The following TMEM43 variants were observed in gnomAD, a reference collection of about 807,000 sequenced individuals.
The protein encoded by TMEM43 is transmembrane protein 43.
In TMEM43, 45 loss-of-function variants were observed where a neutral mutation model predicts 49.6. That is an observed-to-expected ratio of 0.91 (90% CI 0.71 to 1.16). The LOEUF is 1.16. Ranked by LOEUF, TMEM43 falls within the 50% of genes most tolerant of loss-of-function variation. TMEM43 has a pLI of 0.00. For missense variants in TMEM43, 532 were observed against 516.6 expected (o/e 1.03, Z -0.29); for synonymous variants, 199 against 207.8 (o/e 0.96, Z 0.36).
chr3:14,138,300 G>A (rs998356283), intron 10 of TMEM43, among the ~76,000 whole-genome samples: 1 of 152,226 alleles, frequency 6.6e-6, no homozygotes, highest in South Asian at 2.1e-4. Flanking sequence ...ACTGGCAGCA[G>A]GGTCGGTGTC....
intron 1 of TMEM43, chr3:14,128,759 C>T (rs1695050821): frequency 4.1e-6 from 1 of 244,970 alleles, no homozygotes. Context: ...CACGAGCCAG[C>T]AGTTGTACTC....
chr3:14,129,612 G>T, intron 2 of TMEM43, 51 bp downstream of exon 2: 1 of 1,606,446 alleles, frequency 6.2e-7, no homozygotes. Context: ...CACCATGTCA[G>T]AGAGCAAAGG....
In TMEM43 at chr3:14,142,108, T is replaced by A; in HGVS notation, c.*313T>A. ...TGGGTACGGCCAGCCACTCAGCCCA[T>A]TGGCAGCTGACAACGCAGACACGCT... On this transcript the variant is annotated 3_prime_UTR_variant, in exon 12 of 12. Coordinates refer to ENST00000306077, the MANE Select transcript of TMEM43 (RefSeq NM_024334.3). 1.4e-5 allele frequency: 6 copies of A among 422,324 alleles called. No individual in the cohort carries two copies. The highest frequency in any genetic ancestry group is 9.6e-5 in the East Asian group (2 of 20,876). The allele number at this position is 422,324 out of a possible 1,614,324, so 26.2% of individuals were successfully genotyped here.
intron 1 of TMEM43, 152 bp from the exon 2 acceptor site, chr3:14,129,260 A>T: frequency 3.2e-6 from 2 of 631,912 alleles, no homozygotes; most frequent in Non-Finnish European, 5.1e-6. Context: ...AAACCTGCCA[A>T]ACTGTACATT....
At chr3:14,136,827 G>A (rs183997879) in intron 10 of TMEM43, among the ~76,000 whole-genome samples, 1 of 149,010 alleles carries the variant, frequency 6.7e-6, no homozygotes, top group East Asian at 2.1e-4. Context: ...TGCCTACCCC[G>A]GGTCCCAAGG....
rs1331709458 is a variant in TMEM43, at chr3:14,139,310, G to C, written c.1000+13G>C. ...CTCTACACCTTGGGTAGGTGTTGGG[G>C]TGGGTCACTGCCCTCCCTCCTGCAC... On this transcript the variant is annotated intron_variant, in intron 11 of 11. Coordinates refer to ENST00000306077, the MANE Select transcript of TMEM43 (RefSeq NM_024334.3). The C allele has an allele frequency of 3.2e-6, 5 of 1,581,224 alleles. No homozygotes were observed. Among genetic ancestry groups the C allele is most frequent in the Non-Finnish European group, 4.3e-6 (5 of 1,149,904 alleles).
chr3:14,125,255 T>A, intron 1 of TMEM43, 50 bp downstream of exon 1: 2 of 1,577,858 alleles, frequency 1.3e-6, no homozygotes, highest in Non-Finnish European at 1.7e-6. Context: ...CCCGTCGCCC[T>A]GGGGCTTTTC....
chr3:14,125,159 C>T lies in TMEM43; in HGVS notation c.-35C>T, dbSNP rs368669606. 1 of 1,608,988 alleles carries T rather than the reference C, an allele frequency of 6.2e-7. No individual in the cohort carries two copies. The highest frequency in any genetic ancestry group is 8.5e-7 in the Non-Finnish European group (1 of 1,178,962). On this transcript the variant is annotated 5_prime_UTR_variant, in exon 1 of 12. Coordinates refer to ENST00000306077, the MANE Select transcript of TMEM43 (RefSeq NM_024334.3). ...GTCGTCAGCCCACTTCCTAGCTGAA[C>T]AGCGCGAGGCGGCGGCAGCGAGCCG...
At chr3:14,141,338 C>A (rs1014022273) in intron 11 of TMEM43, among the ~76,000 whole-genome samples, 2 of 152,226 alleles carry the variant, frequency 1.3e-5, no homozygotes, top group Non-Finnish European at 2.9e-5. Context: ...GTTTACAAAG[C>A]ACTGCTACAT....
rs561662622 is a variant in TMEM43, at chr3:14,135,094, C to T, written c.706-64C>T. ...AGCCTGAGGGGCGTAGCCGAGGCAT[C>T]CTGGACCTGGGCCTGGGCCAGCTAC... is the stretch of plus-strand genomic sequence containing the variant. On this transcript the variant is annotated intron_variant, in intron 8 of 11. Transcript: ENST00000306077. 38 of 1,540,708 alleles carry T rather than the reference C, an allele frequency of 2.5e-5. No individual in the cohort carries two copies. In the African/African-American group the frequency reaches 4.3e-4, roughly 18 times the overall value.
intron 9 of TMEM43, 73 bp from the exon 10 acceptor site, chr3:14,135,734 G>A: frequency 7.6e-7 from 1 of 1,324,356 alleles, no homozygotes; most frequent in East Asian, 2.3e-5. Context: ...GTCCCGGGAG[G>A]GTGGGCCATG....
chr3:14,135,929 G>C, intron 10 of TMEM43, 21 bp downstream of exon 10: 3 of 1,591,448 alleles, frequency 1.9e-6, no homozygotes, highest in Non-Finnish European at 2.6e-6. Context: ...TGCCCTACTC[G>C]TACGGTGGAG....
rs1277572295 is a variant in TMEM43 at position 14,143,493 on chromosome 3, A to G, written c.*1698A>G. The G allele has an allele frequency of 6.6e-6, 1 of 152,250 alleles. No homozygotes were observed. Among genetic ancestry groups the G allele is most frequent in the African/African-American group, 2.4e-5 (1 of 41,464 alleles). The allele number at this position is 152,250 out of a possible 1,614,324, so 9.4% of individuals were successfully genotyped here. On this transcript the variant is annotated 3_prime_UTR_variant, in exon 12 of 12. Transcript: ENST00000306077. The stretch of plus-strand genomic sequence containing the variant: ...TTCGGAAAACACGCTGTATACCTAG[A>G]TGATGACTAAATGCAAAATCCTTGG...
intron 10 of TMEM43, 102 bp from the exon 11 acceptor site, chr3:14,139,078 C>G (rs1300770153): frequency 4.5e-5 from 39 of 860,874 alleles, no homozygotes; most frequent in Middle Eastern, 2.6e-4. Flanking sequence ...TCAGAAATGG[C>G]CAACAGCTCC....
chr3:14,135,033 G>A (rs1574939308), intron 8 of TMEM43, 125 bp from the exon 9 acceptor site: 10 of 1,490,368 alleles, frequency 6.7e-6, no homozygotes, highest in East Asian at 2.3e-5. Flanking sequence ...TCTGGGTGAC[G>A]GCACAGCCTG....
In TMEM43 at chr3:14,143,639, G is replaced by T. The variant is rs1695285618; in HGVS notation, c.*1844G>T. On this transcript the variant is annotated 3_prime_UTR_variant, in exon 12 of 12. Coordinates refer to ENST00000306077, the MANE Select transcript of TMEM43 (RefSeq NM_024334.3). ...GGAAAACCAAATTTGTAATATCATT[G>T]TATTTTTTATTAAAAGTTTTGTAAT... is the stretch of plus-strand genomic sequence containing the variant. The T allele has an allele frequency of 6.6e-6, 1 of 151,932 alleles. No homozygotes were observed. The highest frequency in any genetic ancestry group is 6.6e-5 in the Admixed American group (1 of 15,250). The allele number at this position is 151,932 out of a possible 1,614,324, so 9.4% of individuals were successfully genotyped here.
At chr3:14,133,995 C>G (rs1695134984) in intron 7 of TMEM43, among the ~76,000 whole-genome samples, 186 bp downstream of exon 7, 1 of 152,150 alleles carries the variant, frequency 6.6e-6, no homozygotes, top group South Asian at 2.1e-4. Context: ...GTAGAAACCC[C>G]CACCCCACTC....
chr3:14,125,471 A>G (rs1464349609), intron 1 of TMEM43, among the ~76,000 whole-genome samples: 1 of 151,912 alleles, frequency 6.6e-6, no homozygotes, highest in East Asian at 1.9e-4. Context: ...TTGCTCCCGT[A>G]CTGGGATCTG....
In TMEM43 at chr3:14,135,914, T is replaced by C; in HGVS notation, c.882+6T>C. On this transcript the variant is annotated splice_donor_region_variant and intron_variant, in intron 10 of 11. Coordinates refer to ENST00000306077, the MANE Select transcript of TMEM43 (RefSeq NM_024334.3). The stretch of plus-strand genomic sequence containing the variant: ...ACGGGGACTTCTCAGCAGAGGTGAG[T>C]GCTGTGCCCTACTCGTACGGTGGAG... 6.2e-7 allele frequency: 1 copy of C among 1,611,694 alleles called. No homozygotes were observed. Among genetic ancestry groups the C allele is most frequent in the Non-Finnish European group, 8.5e-7 (1 of 1,177,792 alleles).
Sources: allele counts gnomAD v4.1 joint callset (sites outside exome capture counted in the v4.1 genomes callset), GRCh38; gene constraint gnomAD v4.1.1; transcripts MANE v1.5; gene names NCBI Gene and HGNC (gene_info 2026-07-23, HGNC 2026-07-21).